The following SOX6 variants were observed in gnomAD, a reference collection of about 807,000 sequenced individuals.
SOX6 encodes SRY-box transcription factor 6.
Under a neutral mutation model 97.8 loss-of-function variants are expected in SOX6, and 11 were observed. That is an observed-to-expected ratio of 0.11 (90% CI 0.07 to 0.19). The LOEUF (loss-of-function observed/expected upper bound fraction) is 0.19, where lower values mean the gene tolerates loss of function less well. Among genes scored for constraint, SOX6 ranks in the 10% least tolerant of loss-of-function variants. The pLI, the probability that SOX6 is intolerant of heterozygous loss-of-function variation, is 1.00. For synonymous variants in SOX6, 360 were observed against 371.4 expected, an observed-to-expected ratio of 0.97 and a Z score of 0.35; for missense variants, 810 against 1,039.5, an observed-to-expected ratio of 0.78 and a Z score of 3.04.
chr11:16,036,296 C>T (rs1046760178), intron 12 of SOX6, among the ~76,000 whole-genome samples: 4 of 152,046 alleles, frequency 2.6e-5, no homozygotes, highest in Non-Finnish European at 5.9e-5. Context: ...TCAGGCTGGT[C>T]TCGAACTCCC....
chr11:16,453,341 G>A lies in SOX6; in HGVS notation c.-5+22974C>T, dbSNP rs1590209785. The stretch of plus-strand genomic sequence containing the variant: ...CAGGTGAATATCACTATCTTACTTG[G>A]ATTTTTTTAAGGTTAACATCTGCAT... On this transcript the variant is annotated intron_variant, in intron 1 of 15. Coordinates refer to the SOX6 transcript ENST00000396356. 6.6e-5 allele frequency among the ~76,000 whole-genome samples: 10 copies of A among 152,106 alleles called. No individual in the cohort carries two copies. In the South Asian group the frequency reaches 2.1e-3, roughly 32 times the overall value.
rs954839997 is a variant in SOX6, at chr11:16,022,467, A to C, written c.1624-7417T>G. Among the ~76,000 whole-genome samples, 9 of 150,114 alleles carry C rather than the reference A, an allele frequency of 6.0e-5. No homozygotes were observed. The South Asian group carries it at 6.3e-4, about 10-fold the overall frequency. On this transcript the variant is annotated intron_variant, in intron 12 of 15. Coordinates refer to ENST00000683767, the MANE Select transcript of SOX6 (RefSeq NM_001367873.1). ...CATTCTATTGCCCAGGCTGGAGTGCAGTGGCATGATCTCGGCTCACTGCAA... is the reference window on the plus strand; with the variant it reads ...CATTCTATTGCCCAGGCTGGAGTGCCGTGGCATGATCTCGGCTCACTGCAA...
At chr11:16,068,920 T>C (rs778542935) in intron 9 of SOX6, among the ~76,000 whole-genome samples, 6 of 152,220 alleles carry the variant, frequency 3.9e-5, no homozygotes, top group African/African-American at 9.6e-5. Context: ...TGAGGCTTAT[T>C]TATCTTTATG....
intron 3 of SOX6, among the ~76,000 whole-genome samples, chr11:16,708,138 T>C (rs11024019): frequency 0.16 from 24,799 of 152,176 alleles, 2,666 homozygotes; most frequent in East Asian, 0.32. Context: ...ATTTACCAAA[T>C]ATATTTCCTT....
chr11:16,532,153 G>C (rs1861245256), intron 4 of SOX6, among the ~76,000 whole-genome samples: 1 of 151,898 alleles, frequency 6.6e-6, no homozygotes, highest in East Asian at 1.9e-4. Flanking sequence ...GAAAAAGTTT[G>C]TAACATGCTT....
At chr11:16,286,398 C>T (rs1854743877) in intron 3 of SOX6, among the ~76,000 whole-genome samples, 1 of 152,210 alleles carries the variant, frequency 6.6e-6, no homozygotes, top group African/African-American at 2.4e-5. Context: ...TGCTCCTGGA[C>T]ATTCTATTTA....
chr11:16,731,494 C>A (rs748508970), intron 2 of SOX6, among the ~76,000 whole-genome samples: 1 of 152,088 alleles, frequency 6.6e-6, no homozygotes, highest in Non-Finnish European at 1.5e-5. Context: ...ATGACAAAAC[C>A]CATGTGATTA....
chr11:16,433,160 A>C (rs1417821416), intron 1 of SOX6, among the ~76,000 whole-genome samples: 1 of 152,086 alleles, frequency 6.6e-6, no homozygotes, highest in East Asian at 1.9e-4. Flanking sequence ...AATTATAAAG[A>C]GAGGTAATAT....
At chr11:16,694,541 T>C (rs1350321061) in intron 3 of SOX6, among the ~76,000 whole-genome samples, 1 of 152,110 alleles carries the variant, frequency 6.6e-6, no homozygotes, top group African/African-American at 2.4e-5. Flanking sequence ...AATAAATAAA[T>C]AAAAGATCAT....
chr11:16,628,397 G>T (rs1848654639), intron 3 of SOX6, among the ~76,000 whole-genome samples: 1 of 152,136 alleles, frequency 6.6e-6, no homozygotes, highest in Non-Finnish European at 1.5e-5. Context: ...GCCGAGGTGG[G>T]TGGATCACTT....
Position 16,111,699 on chromosome 11 carries a change from T to G in SOX6, c.898+104A>C, listed in dbSNP as rs1849233324. On this transcript the variant is annotated intron_variant, in intron 7 of 15. Transcript: ENST00000683767. Reference sequence around the variant, plus strand: ...TTTAAAATAAGCTTTTATGATATTTTTATTCATAGTTCCCTGGCATGCTCC... The same window carrying G: ...TTTAAAATAAGCTTTTATGATATTTGTATTCATAGTTCCCTGGCATGCTCC... 3.5e-6 allele frequency: 5 copies of G among 1,429,366 alleles called. No homozygotes were observed. In the East Asian group the frequency reaches 9.2e-5, roughly 26 times the overall value. 88.5% of individuals were successfully genotyped at this position (1,429,366 alleles called of 1,614,324 possible). A position where few individuals can be genotyped will look rare whatever the true frequency, so the allele number is the denominator to read the frequency against.
chr11:16,591,336 TA>T (rs899991628), intron 4 of SOX6, among the ~76,000 whole-genome samples: 46 of 74,904 alleles, frequency 6.1e-4, no homozygotes, highest in African/African-American at 1.9e-3. Context: ...GATAGATAGA[TA>T]GATAGATAGA....
At position 16,100,805 on chromosome 11, in the gene SOX6, T is replaced by C. The variant is rs560861145; in HGVS notation, c.899-3117A>G. ...ATGGGTAAAAGTCTGTCAATTTACT[T>C]TCATTCTTCAGAAAGACAAAGGACT... On this transcript the variant is annotated intron_variant, in intron 7 of 15. Transcript: ENST00000683767. Among the ~76,000 whole-genome samples the C allele has an allele frequency of 2.6e-5, 4 of 151,404 alleles. No individual in the cohort carries two copies. In the East Asian group the frequency reaches 7.8e-4, roughly 29 times the overall value.
intron 10 of SOX6, among the ~76,000 whole-genome samples, chr11:16,051,317 C>G (rs542868905): frequency 1.3e-5 from 2 of 152,110 alleles, no homozygotes; most frequent in African/African-American, 4.8e-5. Context: ...GACAAAATCG[C>G]TTGTCTAAGG....
intron 13 of SOX6, among the ~76,000 whole-genome samples, chr11:16,012,415 A>G (rs1279531568): frequency 6.6e-6 from 1 of 151,840 alleles, no homozygotes; most frequent in Non-Finnish European, 1.5e-5. Flanking sequence ...CCATTCGTGA[A>G]CCCCCAAAAG....
At chr11:16,018,688 G>T (rs1177821266) in intron 12 of SOX6, among the ~76,000 whole-genome samples, 4 of 152,052 alleles carry the variant, frequency 2.6e-5, no homozygotes, top group Non-Finnish European at 5.9e-5. Flanking sequence ...ATTTATGTGT[G>T]TTATTTATAC....
intron 1 of SOX6, among the ~76,000 whole-genome samples, chr11:16,410,786 AACAAG>A (rs1858792705): frequency 4.0e-5 from 6 of 149,782 alleles, no homozygotes; most frequent in Admixed American, 3.3e-4. Flanking sequence ...AAAAGATATG[AACAAG>A]TATGAACAAG....
At chr11:16,145,118 C>T (rs569572353) in intron 6 of SOX6, among the ~76,000 whole-genome samples, 5 of 152,246 alleles carry the variant, frequency 3.3e-5, no homozygotes, top group South Asian at 2.1e-4. Flanking sequence ...ACTGGCAAAC[C>T]GAATCCATTA....
chr11:16,633,665 A>C (rs1362524796), intron 3 of SOX6, among the ~76,000 whole-genome samples: 1 of 152,210 alleles, frequency 6.6e-6, no homozygotes, highest in East Asian at 1.9e-4. Flanking sequence ...GGGAAAAGCA[A>C]GGGAAAGAGT....
Sources: allele counts gnomAD v4.1 joint callset (sites outside exome capture counted in the v4.1 genomes callset), GRCh38; gene constraint gnomAD v4.1.1; transcripts MANE v1.5; gene names NCBI Gene and HGNC (gene_info 2026-07-23, HGNC 2026-07-21).